Variants in PAG1 observed in about 807,000 individuals in gnomAD.
PAG1 encodes phosphoprotein associated with glycosphingolipid-enriched microdomains 1.
Under a neutral mutation model 31.7 loss-of-function variants are expected in PAG1, and 23 were observed. That is an observed-to-expected ratio of 0.73 (90% confidence interval 0.52 to 1.03). The LOEUF is 1.03. PAG1 is among the 50% of genes least tolerant of loss of function. PAG1 has a pLI of 0.00. For missense variants in PAG1, 473 were observed against 540.7 expected (o/e 0.87, Z 1.24); for synonymous variants, 214 against 210.3 (o/e 1.02, Z -0.15).
chr8:81,111,917 C>T lies in PAG1; in HGVS notation c.-560G>A, dbSNP rs1344687668. 6.6e-6 allele frequency: 1 copy of T among 152,148 alleles called. No homozygotes were observed. The highest frequency in any genetic ancestry group is 1.5e-5 in the Non-Finnish European group (1 of 68,022). 9.4% of individuals were successfully genotyped at this position (152,148 alleles called of 1,614,324 possible). ...CTCTGGCTCCAAGGGAATCACGGCT[C>T]AATTAGGGACCTGCCAGGAGAAAAA... On this transcript the variant is annotated 5_prime_UTR_variant, in exon 1 of 9. Transcript: ENST00000220597.
At chr8:81,103,153 GGAAA>G (rs10530858) in intron 1 of PAG1, among the ~76,000 whole-genome samples, 56,988 of 140,550 alleles carry the variant, frequency 0.41, 12,681 homozygotes, top group East Asian at 0.75. Flanking sequence ...TCATTTTGTG[GGAAA>G]AAAAAAAAAA....
intron 1 of PAG1, among the ~76,000 whole-genome samples, chr8:81,091,237 T>C (rs1362363704): frequency 2.6e-5 from 4 of 152,280 alleles, no homozygotes; most frequent in East Asian, 1.9e-4. Flanking sequence ...GGGAAGCATA[T>C]TGGGGCACAC....
intron 1 of PAG1, among the ~76,000 whole-genome samples, chr8:81,106,397 C>T (rs903530472): frequency 2.0e-5 from 3 of 151,720 alleles, no homozygotes; most frequent in South Asian, 2.1e-4. Flanking sequence ...TTTTTACTTG[C>T]TTACTCCATA....
intron 1 of PAG1, among the ~76,000 whole-genome samples, chr8:81,084,391 T>TA (rs139945377): frequency 0.12 from 18,153 of 152,168 alleles, 3,651 homozygotes; most frequent in African/African-American, 0.41. Context: ...AAAATCAATT[T>TA]AAATACTTTC....
intron 1 of PAG1, among the ~76,000 whole-genome samples, chr8:81,100,450 G>C (rs911695217): frequency 3.3e-5 from 5 of 152,164 alleles, no homozygotes; most frequent in African/African-American, 1.2e-4. Flanking sequence ...TCTTCCCTGG[G>C]GAGGGCTATT....
intron 3 of PAG1, among the ~76,000 whole-genome samples, chr8:81,015,838 A>G (rs557591759): frequency 6.6e-5 from 10 of 152,304 alleles, no homozygotes; most frequent in African/African-American, 2.4e-4. Context: ...CCTTCCAGCA[A>G]GAAATGCTGT....
intron 2 of PAG1, among the ~76,000 whole-genome samples, chr8:81,033,648 G>A (rs1468982007): frequency 6.6e-6 from 1 of 152,164 alleles, no homozygotes; most frequent in Admixed American, 6.5e-5. Context: ...TCATGAGGAC[G>A]GTTGGTGACT....
chr8:81,057,648 T>C (rs1462926387), intron 2 of PAG1, among the ~76,000 whole-genome samples: 2 of 152,002 alleles, frequency 1.3e-5, no homozygotes, highest in Non-Finnish European at 2.9e-5. Context: ...CACACCAACA[T>C]GGCACATGTA....
chr8:81,034,480 C>A (rs1338993092), intron 2 of PAG1, among the ~76,000 whole-genome samples: 1 of 152,172 alleles, frequency 6.6e-6, no homozygotes, highest in Non-Finnish European at 1.5e-5. Flanking sequence ...AAATACAATA[C>A]TTTATCTATG....
At position 81,011,885 on chromosome 8, in the gene PAG1, G is replaced by A. The variant is rs1807990710; in HGVS notation, c.-81+18111C>T. 4.6e-5 allele frequency among the ~76,000 whole-genome samples: 7 copies of A among 152,174 alleles called. No homozygotes were observed. The South Asian group carries it at 1.4e-3, about 32-fold the overall frequency. On this transcript the variant is annotated intron_variant, in intron 3 of 8. Coordinates refer to ENST00000220597, the MANE Select transcript of PAG1 (RefSeq NM_018440.4). ...GAGGGCTTCTCCATTTGCACATTTTGCAATCTTAGTTGTTCCTTTCAATTT... is the reference window on the plus strand; with the variant it reads ...GAGGGCTTCTCCATTTGCACATTTTACAATCTTAGTTGTTCCTTTCAATTT...
intron 3 of PAG1, among the ~76,000 whole-genome samples, chr8:81,020,322 C>T (rs1808141381): frequency 1.3e-5 from 2 of 151,928 alleles, no homozygotes; most frequent in East Asian, 3.9e-4. Context: ...TTGGGAGGGG[C>T]CAGGGGTAGA....
intron 1 of PAG1, among the ~76,000 whole-genome samples, chr8:81,105,792 T>C (rs1809684421): frequency 6.6e-6 from 1 of 152,176 alleles, no homozygotes; most frequent in Non-Finnish European, 1.5e-5. Context: ...CCTGAGAACT[T>C]ATCTGATCAC....
chr8:81,036,562 T>C (rs1808464805), intron 2 of PAG1, among the ~76,000 whole-genome samples: 3 of 152,198 alleles, frequency 2.0e-5, no homozygotes. Context: ...GTATTAAATA[T>C]GCTCAATGAC....
chr8:80,998,467 C>G (rs1449448285), intron 3 of PAG1, among the ~76,000 whole-genome samples: 1 of 152,076 alleles, frequency 6.6e-6, no homozygotes, highest in Non-Finnish European at 1.5e-5. Context: ...CAGCATAATT[C>G]TGTTCTCAGC....
At position 80,974,071 on chromosome 8, in the gene PAG1, C is replaced by G. The variant is rs1807131809; in HGVS notation, c.*2473G>C. The G allele has an allele frequency of 6.7e-6, 1 of 149,858 alleles. No individual in the cohort carries two copies. Among genetic ancestry groups the G allele is most frequent in the African/African-American group, 2.5e-5 (1 of 40,652 alleles). 9.3% of individuals were successfully genotyped at this position (149,858 alleles called of 1,614,324 possible). A position where few individuals can be genotyped will look rare whatever the true frequency, so the allele number is the denominator to read the frequency against. ...CATATTTCATAGCCACATTGCAGAA[C>G]TAATATTTGAAAACTCTTGGGGGAA... On this transcript the variant is annotated 3_prime_UTR_variant, in exon 9 of 9. Coordinates refer to ENST00000220597, the MANE Select transcript of PAG1 (RefSeq NM_018440.4).
rs1041509235 is a variant in PAG1 at position 81,073,692 on chromosome 8, C to T, written c.-233-3522G>A. Among the ~76,000 whole-genome samples, 38 of 152,230 alleles carry T rather than the reference C, an allele frequency of 2.5e-4. No homozygotes were observed. In the Middle Eastern group the frequency reaches 0.02, roughly 82 times the overall value. On this transcript the variant is annotated intron_variant, in intron 1 of 8. Coordinates refer to ENST00000220597, the MANE Select transcript of PAG1 (RefSeq NM_018440.4). Reference sequence around the variant, plus strand: ...CAGCCACTATTCTAGGTGGGGGTTTCGATATTGACCAAGATGAAATTCCCT... The same window carrying T: ...CAGCCACTATTCTAGGTGGGGGTTTTGATATTGACCAAGATGAAATTCCCT...
At chr8:80,985,995 A>T (rs1807411755) in intron 6 of PAG1, among the ~76,000 whole-genome samples, 1 of 152,198 alleles carries the variant, frequency 6.6e-6, no homozygotes, top group East Asian at 1.9e-4. Context: ...CCAGCCACAG[A>T]TATGCTATTG....
intron 1 of PAG1, among the ~76,000 whole-genome samples, chr8:81,076,254 T>C (rs1563421514): frequency 1.3e-5 from 2 of 152,214 alleles, no homozygotes; most frequent in Admixed American, 6.5e-5. Flanking sequence ...AAGCTTCCCA[T>C]GTGAATTATC....
At chr8:81,026,499 C>T (rs947044749) in intron 3 of PAG1, among the ~76,000 whole-genome samples, 3 of 150,642 alleles carry the variant, frequency 2.0e-5, no homozygotes, top group African/African-American at 4.9e-5. Flanking sequence ...TTAGGGCATC[C>T]TCCCCCGAGC....
Sources: allele counts gnomAD v4.1 joint callset (sites outside exome capture counted in the v4.1 genomes callset), GRCh38; gene constraint gnomAD v4.1.1; transcripts MANE v1.5; gene names NCBI Gene and HGNC (gene_info 2026-07-23, HGNC 2026-07-21).